GUCY1A1: variants seen among roughly 807,000 people sequenced by gnomAD.
GUCY1A1 encodes guanylate cyclase soluble subunit alpha-1.
A neutral mutation model predicts 64.5 loss-of-function variants in GUCY1A1; 48 were observed. That is an observed-to-expected ratio of 0.74 (90% CI 0.59 to 0.95). The LOEUF (loss-of-function observed/expected upper bound fraction) is 0.95, where lower values mean the gene tolerates loss of function less well. GUCY1A1 is among the 40% of genes least tolerant of loss of function. The pLI, the probability that GUCY1A1 is intolerant of heterozygous loss-of-function variation, is 0.00. For missense variants in GUCY1A1, 804 were observed against 825.3 expected (o/e 0.97, Z 0.32); for synonymous variants, 308 against 303.4 (o/e 1.02, Z -0.16).
intron 6 of GUCY1A1, among the ~76,000 whole-genome samples, chr4:155,712,812 G>A (rs924356734): frequency 2.6e-5 from 4 of 152,172 alleles, no homozygotes; most frequent in Non-Finnish European, 5.9e-5. Flanking sequence ...GAATATAGTA[G>A]CAAAAGCATC....
intron 2 of GUCY1A1, among the ~76,000 whole-genome samples, chr4:155,669,158 G>A (rs1342037293): frequency 1.3e-5 from 2 of 152,084 alleles, no homozygotes; most frequent in Admixed American, 6.6e-5. Flanking sequence ...TAGACCAGAT[G>A]TATGTATTTT....
At chr4:155,706,551 G>A (rs1041375791) in intron 4 of GUCY1A1, among the ~76,000 whole-genome samples, 1 of 144,606 alleles carries the variant, frequency 6.9e-6, no homozygotes, top group Non-Finnish European at 1.5e-5. Context: ...ATGAGTGTTA[G>A]TATAGCCATC....
At position 155,730,049 on chromosome 4, in the gene GUCY1A1, G is replaced by C; in HGVS notation, c.1891G>C (p.Gly631Arg). Reference protein sequence around the residue: ...TTYRLLKDCPGFVFTPRSREE... With the variant: ...TTYRLLKDCPRFVFTPRSREE... ...TTTCAGATTACTCAAAGACTGTCCTGGTTTCGTGTTTACCCCTCGATCAAG... is the reference window on the plus strand; with the variant it reads ...TTTCAGATTACTCAAAGACTGTCCTCGTTTCGTGTTTACCCCTCGATCAAG... The change falls in exon 10 of 10, where the codon GGT becomes CGT. Residue 631 changes from glycine to arginine, a missense_variant. Physicochemically the swap from Gly to Arg is moderately radical, Grantham distance 125. Coordinates refer to ENST00000506455, the MANE Select transcript of GUCY1A1 (RefSeq NM_001130682.3). 1 of 1,603,882 alleles carries C rather than the reference G, an allele frequency of 6.2e-7. No individual in the cohort carries two copies. The highest frequency in any genetic ancestry group is 8.5e-7 in the Non-Finnish European group (1 of 1,171,444).
chr4:155,705,490 AG>A (rs1318821341), intron 4 of GUCY1A1, among the ~76,000 whole-genome samples: 1 of 149,462 alleles, frequency 6.7e-6, no homozygotes, highest in Non-Finnish European at 1.5e-5. Context: ...CAGTGAGCCA[AG>A]ATTGTGCCAC....
chr4:155,703,156 T>G (rs1459662820), intron 3 of GUCY1A1, among the ~76,000 whole-genome samples: 1 of 152,138 alleles, frequency 6.6e-6, no homozygotes, highest in Non-Finnish European at 1.5e-5. Flanking sequence ...ACTCAACATG[T>G]ATTTATTAAG....
chr4:155,706,852 CACAA>C (rs1280798464), intron 4 of GUCY1A1, among the ~76,000 whole-genome samples: 1 of 152,180 alleles, frequency 6.6e-6, no homozygotes, highest in Admixed American at 6.5e-5. Context: ...CAGAAATCAT[CACAA>C]ACAATTAGGC....
intron 4 of GUCY1A1, among the ~76,000 whole-genome samples, chr4:155,706,766 G>C (rs1731832733): frequency 6.6e-6 from 1 of 152,176 alleles, no homozygotes; most frequent in African/African-American, 2.4e-5. Context: ...ATTGTAGTTT[G>C]AATTGCACTA....
chr4:155,713,546 G>T lies in GUCY1A1; in HGVS notation c.1535G>T (p.Arg512Leu), dbSNP rs369215353. The T allele has an allele frequency of 4.4e-5, 71 of 1,613,692 alleles. No homozygotes were observed. The highest frequency in any genetic ancestry group is 1.7e-5 in the Admixed American group (1 of 59,990). The change falls in exon 7 of 10, where the codon CGC (arginine) becomes CTC (leucine). Residue 512 changes from arginine to leucine, a missense_variant. Transcript: ENST00000506455. ...VITMLNALYT[R>L]FDQQCGELDV... ...ACCATGCTCAATGCACTGTACACTC[G>T]CTTCGACCAGCAGTGTGGAGAGCTG... is the stretch of plus-strand genomic sequence containing the variant.
At chr4:155,677,326 G>A (rs1735094845) in intron 2 of GUCY1A1, among the ~76,000 whole-genome samples, 1 of 152,138 alleles carries the variant, frequency 6.6e-6, no homozygotes, top group Non-Finnish European at 1.5e-5. Context: ...TAGGATCACA[G>A]TCATTTGGAA....
chr4:155,700,466 C>G (rs1452717085), intron 3 of GUCY1A1, among the ~76,000 whole-genome samples: 1 of 152,110 alleles, frequency 6.6e-6, no homozygotes, highest in Non-Finnish European at 1.5e-5. Flanking sequence ...ATAAACCACA[C>G]CAATGATATT....
intron 2 of GUCY1A1, among the ~76,000 whole-genome samples, chr4:155,692,434 C>A (rs1729868085): frequency 6.6e-6 from 1 of 152,258 alleles, no homozygotes; most frequent in South Asian, 2.1e-4. Flanking sequence ...AAAAGCATTC[C>A]TTTTTCTCCA....
chr4:155,690,416 C>A lies in GUCY1A1; in HGVS notation c.-112-6340C>A, dbSNP rs571189455. Among the ~76,000 whole-genome samples, 9 of 152,320 alleles carry A rather than the reference C, an allele frequency of 5.9e-5. No individual in the cohort carries two copies. In the South Asian group the frequency reaches 1.9e-3, roughly 32 times the overall value. On this transcript the variant is annotated intron_variant, in intron 2 of 9. Coordinates refer to ENST00000506455, the MANE Select transcript of GUCY1A1 (RefSeq NM_001130682.3). ...CTACTCTGACCCATTTTTCATTCTA[C>A]ATTCCAAATAATCTTCTAAAAATGC...
At chr4:155,725,690 C>T (rs1247061137) in intron 9 of GUCY1A1, among the ~76,000 whole-genome samples, 2 of 151,952 alleles carry the variant, frequency 1.3e-5, no homozygotes, top group African/African-American at 4.8e-5. Context: ...TGTTAGGGGG[C>T]ACTGATATTA....
intron 4 of GUCY1A1, among the ~76,000 whole-genome samples, chr4:155,705,878 T>C (rs1359480642): frequency 6.6e-6 from 1 of 151,972 alleles, no homozygotes. Context: ...GAAGCTTTGT[T>C]TACACGAGTA....
chr4:155,711,790 A>T (rs753691843), intron 6 of GUCY1A1, among the ~76,000 whole-genome samples: 35 of 152,222 alleles, frequency 2.3e-4, no homozygotes, highest in Non-Finnish European at 4.7e-4. Context: ...CTCATAGTTG[A>T]TAATACAAGC....
intron 2 of GUCY1A1, among the ~76,000 whole-genome samples, chr4:155,682,150 T>TA (rs1033999070): frequency 6.6e-6 from 1 of 152,128 alleles, no homozygotes; most frequent in African/African-American, 2.4e-5. Context: ...TGCTTTCACT[T>TA]ACACTGTTCT....
chr4:155,731,017 T>G lies in GUCY1A1; in HGVS notation c.*786T>G, dbSNP rs1735482888. ...ATTTTACTATCATAATAGCAAAGTA[T>G]TCAGAATAAAAGAGGTTTATATCTT... On this transcript the variant is annotated 3_prime_UTR_variant, in exon 10 of 10. Transcript: ENST00000506455. 1 of 153,402 alleles carries G rather than the reference T, an allele frequency of 6.5e-6. No homozygotes were observed. The highest frequency in any genetic ancestry group is 2.1e-4 in the South Asian group (1 of 4,830). The allele number at this position is 153,402 out of a possible 1,614,324, so 9.5% of individuals were successfully genotyped here.
chr4:155,667,991 G>C (rs1733592426), intron 2 of GUCY1A1: 1 of 152,292 alleles, frequency 6.6e-6, no homozygotes, highest in Admixed American at 6.5e-5. Flanking sequence ...CCCAGAGAAG[G>C]CAGCCGGCTA....
intron 5 of GUCY1A1, among the ~76,000 whole-genome samples, chr4:155,709,904 T>G (rs2126846365): frequency 6.6e-6 from 1 of 152,254 alleles, no homozygotes; most frequent in South Asian, 2.1e-4. Context: ...AAAATAATAT[T>G]AATAAAAGCC....
Sources: allele counts gnomAD v4.1 joint callset (sites outside exome capture counted in the v4.1 genomes callset), GRCh38; gene constraint gnomAD v4.1.1; transcripts MANE v1.5; gene names NCBI Gene and HGNC (gene_info 2026-07-23, HGNC 2026-07-21).